The following ZC3H12A variants were observed in gnomAD, a reference collection of about 807,000 sequenced individuals.
ZC3H12A encodes the protein zinc finger CCCH-type containing 12A, also known as endoribonuclease ZC3H12A.
In ZC3H12A, 9 loss-of-function variants were observed where a neutral mutation model predicts 29.9. The ratio of observed to expected loss-of-function variants is 0.30; its 90% CI spans 0.18 to 0.53. ZC3H12A has a LOEUF of 0.53. Among genes scored for constraint, ZC3H12A ranks in the 20% least tolerant of loss-of-function variants. ZC3H12A has a pLI of 0.96. For missense variants in ZC3H12A, 617 were observed against 799.0 expected (o/e 0.77, Z 2.75); for synonymous variants, 323 against 338.1 (o/e 0.96, Z 0.49).
At position 37,476,557 on chromosome 1, in the gene ZC3H12A, G is replaced by A. The variant is rs1641594848; in HGVS notation, c.443+618G>A. ...CTGGCCTCAGGCGAGCTGCAACTTG[G>A]ATCCCTACTGACTCAGCTGAAGCAG... On this transcript the variant is annotated intron_variant, in intron 2 of 5. Coordinates refer to ENST00000373087, the MANE Select transcript of ZC3H12A (RefSeq NM_025079.3). The surrounding 1 kb of genome is among the most constrained non-coding windows in gnomAD (Gnocchi z 6.0). Among the ~76,000 whole-genome samples, 1 of 152,164 alleles carries A rather than the reference G, an allele frequency of 6.6e-6. No individual in the cohort carries two copies. The highest frequency in any genetic ancestry group is 6.5e-5 in the Admixed American group (1 of 15,276).
In ZC3H12A at chr1:37,475,377, C is replaced by A; in HGVS notation, c.-38-82C>A. The A allele has an allele frequency of 9.2e-7, 1 of 1,092,038 alleles. No homozygotes were observed. The highest frequency in any genetic ancestry group is 1.3e-6 in the Non-Finnish European group (1 of 761,176). 67.6% of individuals were successfully genotyped at this position (1,092,038 alleles called of 1,614,324 possible). ...CGATGCAGTGTGTAGTGCCACCAAT[C>A]CCTCATCCTGCTGGATGTGGTTTTG... On this transcript the variant is annotated intron_variant, in intron 1 of 5. Transcript: ENST00000373087. This position sits in a 1 kb window ranked among gnomAD's most constrained non-coding sequence, Gnocchi z 5.2.
At chr1:37,474,723 G>GGGGAC (rs1357124366) in intron 1 of ZC3H12A, 94 bp downstream of exon 1, 1 of 152,810 alleles carries the variant, frequency 6.5e-6, no homozygotes, top group Non-Finnish European at 1.5e-5. Flanking sequence ...GGGGACGGGA[G>GGGGAC]GGGACGGGAG....
At position 37,479,825 on chromosome 1, in the gene ZC3H12A, G is replaced by A; in HGVS notation, c.444-465G>A. The A allele has an allele frequency of 4.1e-6, 4 of 985,430 alleles. No individual in the cohort carries two copies. In the South Asian group the frequency reaches 1.9e-4, roughly 46 times the overall value. 61.0% of individuals were successfully genotyped at this position (985,430 alleles called of 1,614,324 possible). A position where few individuals can be genotyped will look rare whatever the true frequency, so the allele number is the denominator to read the frequency against. On this transcript the variant is annotated intron_variant, in intron 2 of 5. Transcript: ENST00000373087. This position sits in a 1 kb window ranked among gnomAD's most constrained non-coding sequence, Gnocchi z 4.5. ...ACGCTGCAAGAGGCGAGGGAGGGGTGGTGACTCAGTGTGCATGTGTACATC... is the reference window on the plus strand; with the variant it reads ...ACGCTGCAAGAGGCGAGGGAGGGGTAGTGACTCAGTGTGCATGTGTACATC...
At position 37,483,766 on chromosome 1, in the gene ZC3H12A, A is replaced by G. The variant is rs528380348; in HGVS notation, c.*155A>G. The G allele has an allele frequency of 1.2e-5, 12 of 1,011,904 alleles. No individual in the cohort carries two copies. In the South Asian group the frequency reaches 1.9e-4, roughly 16 times the overall value. The allele number at this position is 1,011,904 out of a possible 1,614,324, so 62.7% of individuals were successfully genotyped here. A position where few individuals can be genotyped will look rare whatever the true frequency, so the allele number is the denominator to read the frequency against. On this transcript the variant is annotated 3_prime_UTR_variant, in exon 6 of 6. Coordinates refer to ENST00000373087, the MANE Select transcript of ZC3H12A (RefSeq NM_025079.3). ...CGGGAAGGAAACCCACAAACCAAAGATACTGTAGGATTGGTTCTGGCCCAT... is the reference window on the plus strand; with the variant it reads ...CGGGAAGGAAACCCACAAACCAAAGGTACTGTAGGATTGGTTCTGGCCCAT...
Position 37,483,862 on chromosome 1 carries a change from A to G in ZC3H12A, c.*251A>G. 1 of 488,030 alleles carries G rather than the reference A, an allele frequency of 2.0e-6. No individual in the cohort carries two copies. Among genetic ancestry groups the G allele is most frequent in the East Asian group, 3.2e-5 (1 of 31,598 alleles). 30.2% of individuals were successfully genotyped at this position (488,030 alleles called of 1,614,324 possible). On this transcript the variant is annotated 3_prime_UTR_variant, in exon 6 of 6. Coordinates refer to ENST00000373087, the MANE Select transcript of ZC3H12A (RefSeq NM_025079.3). ...CTGTTGATACACATTGTATCTCTGT[A>G]GTTTAAGGAGACGCTGCCGGTAACG... is the stretch of plus-strand genomic sequence containing the variant.
chr1:37,475,590 C>T lies in ZC3H12A; in HGVS notation c.94C>T (p.Pro32Ser), dbSNP rs778107962. ...FEDSHSRQGT[P>S]RPGQELAAEE... is the part of the protein sequence containing the mutation. The stretch of plus-strand genomic sequence containing the variant: ...GGACAGCCACAGCCGTCAGGGCACC[C>T]CAAGGCCGGGTCAAGAGCTGGCCGC... The change falls in exon 2 of 6, where the codon CCA becomes TCA. Residue 32 changes from proline to serine, a missense_variant. Around this residue, in one of 5 missense-constraint regions of ZC3H12A, gnomAD observed 67 missense variants for 56.2 expected, o/e 1.19. Transcript: ENST00000373087. The surrounding 1 kb of genome is among the most constrained non-coding windows in gnomAD (Gnocchi z 5.2). 35 of 1,613,896 alleles carry T rather than the reference C, an allele frequency of 2.2e-5. No homozygotes were observed. Among genetic ancestry groups the T allele is most frequent in the Non-Finnish European group, 2.7e-5 (32 of 1,180,038 alleles).
chr1:37,481,989 CG>C (rs1314353598), intron 4 of ZC3H12A, among the ~76,000 whole-genome samples, 154 bp downstream of exon 4: 3 of 152,158 alleles, frequency 2.0e-5, no homozygotes, highest in African/African-American at 7.2e-5. Context: ...GAGAGTGAGA[CG>C]GATAGCTCAC....
chr1:37,478,744 G>GC lies in ZC3H12A; in HGVS notation c.444-1546_444-1545insC. The GC allele has an allele frequency of 1.5e-6, 1 of 661,358 alleles. No individual in the cohort carries two copies. The highest frequency in any genetic ancestry group is 1.9e-6 in the Non-Finnish European group (1 of 533,716). The allele number at this position is 661,358 out of a possible 1,614,324, so 41.0% of individuals were successfully genotyped here. A position where few individuals can be genotyped will look rare whatever the true frequency, so the allele number is the denominator to read the frequency against. On this transcript the variant is annotated intron_variant, in intron 2 of 5. Coordinates refer to ENST00000373087, the MANE Select transcript of ZC3H12A (RefSeq NM_025079.3). The surrounding 1 kb of genome is among the most constrained non-coding windows in gnomAD (Gnocchi z 5.2). ...AGTTTTCATCTGAAAAACAGGGAAG[G>GC]AGTTGATGATGGTATAGTGCCCTCC... is the stretch of plus-strand genomic sequence containing the variant.
Position 37,482,503 on chromosome 1 carries a change from A to G in ZC3H12A, c.888A>G (p.Pro296=). Residue 296 remains proline (P), a synonymous_variant, in exon 5 of 6, where the codon CCA becomes CCG. Coordinates refer to ENST00000373087, the MANE Select transcript of ZC3H12A (RefSeq NM_025079.3). ...PSLDNFLRKK[P]LTLEHRKQPC... ...TGGACAACTTCCTGCGTAAGAAGCC[A>G]CTCACTTTGGAGCACAGGAAGCAGC... 1.2e-6 allele frequency: 2 copies of G among 1,613,870 alleles called. No homozygotes were observed. Among genetic ancestry groups the G allele is most frequent in the South Asian group, 1.1e-5 (1 of 91,062 alleles).
At chr1:37,481,928 G>C in intron 4 of ZC3H12A, 93 bp downstream of exon 4, 1 of 1,339,048 alleles carries the variant, frequency 7.5e-7, no homozygotes, top group Non-Finnish European at 1.0e-6. Flanking sequence ...GCTGGGCTCT[G>C]CGGGGCCCTG....
intron 3 of ZC3H12A, 133 bp from the exon 4 acceptor site, chr1:37,481,468 C>T: frequency 1.3e-6 from 1 of 794,678 alleles, no homozygotes; most frequent in East Asian, 2.6e-5. Flanking sequence ...GAGGCCTCAG[C>T]AGAGTTAGTT....
At chr1:37,481,955 C>A in intron 4 of ZC3H12A, 120 bp downstream of exon 4, 2 of 967,138 alleles carry the variant, frequency 2.1e-6, no homozygotes, top group Non-Finnish European at 1.6e-6. Flanking sequence ...TGGGAGGTTG[C>A]GGGTCTTGGC....
At position 37,479,580 on chromosome 1, in the gene ZC3H12A, G is replaced by A. The variant is rs893073933; in HGVS notation, c.444-710G>A. ...ATTTGGGGGAATTGCCATCTTGGGA[G>A]GAAAAGCAGTATCCTTTCACTTTCA... On this transcript the variant is annotated intron_variant, in intron 2 of 5. Transcript: ENST00000373087. This position sits in a 1 kb window ranked among gnomAD's most constrained non-coding sequence, Gnocchi z 4.5. 49 of 985,320 alleles carry A rather than the reference G, an allele frequency of 5.0e-5. No individual in the cohort carries two copies. The highest frequency in any genetic ancestry group is 5.7e-5 in the Non-Finnish European group (47 of 829,936). 61.0% of individuals were successfully genotyped at this position (985,320 alleles called of 1,614,324 possible).
rs985966120 is a variant in ZC3H12A, at chr1:37,479,233, G to A, written c.444-1057G>A. Reference sequence around the variant, plus strand: ...ACCTAGTGTTACCTGGGAGCCCCAAGCCCCAGTCCCCCATCCCTCAGGAAA... The same window carrying A: ...ACCTAGTGTTACCTGGGAGCCCCAAACCCCAGTCCCCCATCCCTCAGGAAA... On this transcript the variant is annotated intron_variant, in intron 2 of 5. Coordinates refer to ENST00000373087, the MANE Select transcript of ZC3H12A (RefSeq NM_025079.3). The surrounding 1 kb of genome is among the most constrained non-coding windows in gnomAD (Gnocchi z 4.5). The A allele has an allele frequency of 1.0e-6, 1 of 985,310 alleles. No homozygotes were observed. The highest frequency in any genetic ancestry group is 6.1e-5 in the Admixed American group (1 of 16,268). 61.0% of individuals were successfully genotyped at this position (985,310 alleles called of 1,614,324 possible). A position where few individuals can be genotyped will look rare whatever the true frequency, so the allele number is the denominator to read the frequency against.
rs762811324 is a variant in ZC3H12A at position 37,482,452 on chromosome 1, C to T, written c.837C>T (p.Asp279=). ...FVNDKFMPPD[D]PLGRHGPSLD... ...TCTGCAGGTTTATGCCCCCTGATGACCCACTGGGCCGGCACGGGCCCAGCC... is the reference window on the plus strand; with the variant it reads ...TCTGCAGGTTTATGCCCCCTGATGATCCACTGGGCCGGCACGGGCCCAGCC... Residue 279 remains aspartate, a synonymous_variant, in exon 5 of 6, where the codon GAC becomes GAT. Transcript: ENST00000373087. 3 of 1,613,632 alleles carry T rather than the reference C, an allele frequency of 1.9e-6. No individual in the cohort carries two copies. The South Asian group carries it at 3.3e-5, about 18-fold the overall frequency.
chr1:37,481,859 G>A (rs759948665), intron 4 of ZC3H12A, 24 bp downstream of exon 4: 1 of 1,601,310 alleles, frequency 6.2e-7, no homozygotes, highest in Admixed American at 1.7e-5. Context: ...CAGAGGCCCT[G>A]ACAGACTTGG....
At position 37,479,605 on chromosome 1, in the gene ZC3H12A, A is replaced by G; in HGVS notation, c.444-685A>G. 1.0e-6 allele frequency: 1 copy of G among 985,366 alleles called. No homozygotes were observed. The highest frequency in any genetic ancestry group is 1.2e-6 in the Non-Finnish European group (1 of 829,924). The allele number at this position is 985,366 out of a possible 1,614,324, so 61.0% of individuals were successfully genotyped here. A position where few individuals can be genotyped will look rare whatever the true frequency, so the allele number is the denominator to read the frequency against. Reference sequence around the variant, plus strand: ...GGAAAAGCAGTATCCTTTCACTTTCAGACTGAAAGGCTCCTGGGGAACTTG... The same window carrying G: ...GGAAAAGCAGTATCCTTTCACTTTCGGACTGAAAGGCTCCTGGGGAACTTG... On this transcript the variant is annotated intron_variant, in intron 2 of 5. Coordinates refer to ENST00000373087, the MANE Select transcript of ZC3H12A (RefSeq NM_025079.3). This position sits in a 1 kb window ranked among gnomAD's most constrained non-coding sequence, Gnocchi z 4.5.
At position 37,475,007 on chromosome 1, in the gene ZC3H12A, T is replaced by C. The variant is rs1271176850; in HGVS notation, c.-39+378T>C. 6.6e-6 allele frequency among the ~76,000 whole-genome samples: 1 copy of C among 152,212 alleles called. No individual in the cohort carries two copies. Reference sequence around the variant, plus strand: ...GCTCCGGGAGTCCGGCCATGGGCCTTGCGCTGCCTGGGCCTGAGCTCTGAG... The same window carrying C: ...GCTCCGGGAGTCCGGCCATGGGCCTCGCGCTGCCTGGGCCTGAGCTCTGAG... On this transcript the variant is annotated intron_variant, in intron 1 of 5. Transcript: ENST00000373087. This position sits in a 1 kb window ranked among gnomAD's most constrained non-coding sequence, Gnocchi z 5.2.
In ZC3H12A at chr1:37,479,449, G is replaced by A. The variant is rs1411520846; in HGVS notation, c.444-841G>A. The A allele has an allele frequency of 2.3e-5, 23 of 985,280 alleles. No individual in the cohort carries two copies. Among genetic ancestry groups the A allele is most frequent in the South Asian group, 1.4e-4 (3 of 21,292 alleles). 61.0% of individuals were successfully genotyped at this position (985,280 alleles called of 1,614,324 possible). On this transcript the variant is annotated intron_variant, in intron 2 of 5. Coordinates refer to ENST00000373087, the MANE Select transcript of ZC3H12A (RefSeq NM_025079.3). The surrounding 1 kb of genome is among the most constrained non-coding windows in gnomAD (Gnocchi z 4.5). ...GGGTGCAGCCACCTGTGGGTGGGGC[G>A]CGGCCTCGTCTGAGACCAAGGCAGG...
Sources: allele counts gnomAD v4.1 joint callset (sites outside exome capture counted in the v4.1 genomes callset), GRCh38; gene constraint gnomAD v4.1.1; regional missense constraint gnomAD v4.1.1; non-coding constraint Gnocchi (gnomAD v3.1); transcripts MANE v1.5; gene names NCBI Gene and HGNC (gene_info 2026-07-23, HGNC 2026-07-21).